RPL34: variants seen among roughly 807,000 people sequenced by gnomAD.
The protein encoded by RPL34 is ribosomal protein L34, also known as large ribosomal subunit protein eL34.
In RPL34, 2 loss-of-function variants were observed where a neutral mutation model predicts 16.3. The observed-to-expected ratio is 0.12, with a 90% CI of 0.05 to 0.39. RPL34 has a LOEUF of 0.39. RPL34 is among the 10% of genes least tolerant of loss of function. The pLI is 0.99. For missense variants in RPL34, 82 were observed against 148.8 expected, an observed-to-expected ratio of 0.55 and a Z score of 2.33; for synonymous variants, 47 against 48.5, an observed-to-expected ratio of 0.97 and a Z score of 0.13.
chr4:108,629,798 A>T (rs1178870957), downstream of RPL34, among the ~76,000 whole-genome samples: 1 of 152,204 alleles, frequency 6.6e-6, no homozygotes, highest in Admixed American at 6.6e-5. Flanking sequence ...TAGCAACTTA[A>T]TAACATCCTA....
intron 4 of RPL34, among the ~76,000 whole-genome samples, chr4:108,624,020 A>G (rs756526272): frequency 6.6e-6 from 1 of 152,068 alleles, no homozygotes; most frequent in Non-Finnish European, 1.5e-5. Flanking sequence ...GGAAGTGTAC[A>G]TTGGAGATAA....
In RPL34 at chr4:108,622,036, T is replaced by A; in HGVS notation, c.65+12T>A. On this transcript the variant is annotated intron_variant, in intron 2 of 4. Coordinates refer to ENST00000394667, the MANE Select transcript of RPL34 (RefSeq NM_001319236.2). ...AACAAAACTAGGCTGTAAGTATTTCTGAAAATTTTAAGTATATATTGTCAT... is the reference window on the plus strand; with the variant it reads ...AACAAAACTAGGCTGTAAGTATTTCAGAAAATTTTAAGTATATATTGTCAT... 2 of 1,602,652 alleles carry A rather than the reference T, an allele frequency of 1.2e-6. No individual in the cohort carries two copies. The highest frequency in any genetic ancestry group is 1.7e-6 in the Non-Finnish European group (2 of 1,169,750).
Position 108,625,192 on chromosome 4 carries a change from CAG to C in RPL34, c.337_338del (p.Gln114GlufsTer3). ...TGTGAAAGTGTTGAAGGCACAAGCA[CAG>C]AGTCAGAAAGCTAAATAAAAAAATG... ...IVVKVLKAQAQSQKAK is the reference protein window; with the variant it reads ...IVVKVLKAQAXSQKAK On this transcript the variant is annotated frameshift_variant, in exon 5 of 5. Transcript: ENST00000394667. LOFTEE classifies it high-confidence loss of function. 1 of 1,607,968 alleles carries C rather than the reference CAG, an allele frequency of 6.2e-7. No homozygotes were observed. The highest frequency in any genetic ancestry group is 8.5e-7 in the Non-Finnish European group (1 of 1,176,770).
chr4:108,620,693 T>C, intron 1 of RPL34, 93 bp downstream of exon 1: 1 of 217,154 alleles, frequency 4.6e-6, no homozygotes, highest in East Asian at 1.3e-4. Context: ...TCAGAAGCAG[T>C]CCTTTGAGCT....
chr4:108,624,282 G>A (rs1398292783), intron 4 of RPL34, among the ~76,000 whole-genome samples: 1 of 152,208 alleles, frequency 6.6e-6, no homozygotes, highest in Non-Finnish European at 1.5e-5. Context: ...TCAGTTGTAT[G>A]TGTCTCTGAT....
At chr4:108,620,639 TACC>T (rs1454864767) in intron 1 of RPL34, 39 bp downstream of exon 1, 1 of 261,128 alleles carries the variant, frequency 3.8e-6, no homozygotes, top group Non-Finnish European at 7.9e-6. Context: ...TTTATTTCCT[TACC>T]AATCGGCTGC....
downstream of RPL34, among the ~76,000 whole-genome samples, chr4:108,626,972 G>C (rs1404963228): frequency 1.3e-5 from 2 of 152,134 alleles, no homozygotes; most frequent in Middle Eastern, 3.2e-3. Flanking sequence ...GGACGCCGTG[G>C]TTCATGCCTG....
intron 4 of RPL34, among the ~76,000 whole-genome samples, chr4:108,624,397 A>G (rs184752722): frequency 6.6e-6 from 1 of 152,212 alleles, no homozygotes; most frequent in South Asian, 2.1e-4. Flanking sequence ...GGAAGGTTTA[A>G]GTTGAAGCAA....
At chr4:108,628,713 T>C (rs569244330), downstream of RPL34, among the ~76,000 whole-genome samples, 8 of 152,226 alleles carry the variant, frequency 5.3e-5, no homozygotes, top group African/African-American at 1.9e-4. Flanking sequence ...TACATTCTTT[T>C]CCAAGAATTC....
At chr4:108,627,407 C>T (rs536314890), downstream of RPL34, among the ~76,000 whole-genome samples, 1 of 151,978 alleles carries the variant, frequency 6.6e-6, no homozygotes, top group Admixed American at 6.5e-5. Context: ...AATAAGAATA[C>T]CCCTTAAGGT....
downstream of RPL34, among the ~76,000 whole-genome samples, chr4:108,626,447 CTTTT>C (rs34343318): frequency 1.7e-5 from 2 of 117,070 alleles, no homozygotes; most frequent in African/African-American, 6.4e-5. Flanking sequence ...GGCTGACAAC[CTTTT>C]TTTTTTTTTT....
chr4:108,622,947 A>C (rs1299726285), intron 4 of RPL34: 3 of 204,134 alleles, frequency 1.5e-5, no homozygotes, highest in African/African-American at 2.3e-5. Flanking sequence ...GTGTATTCTC[A>C]TGTGCGGAAG....
At position 108,625,109 on chromosome 4, in the gene RPL34, T is replaced by G; in HGVS notation, c.270-19T>G. The stretch of plus-strand genomic sequence containing the variant: ...AGTTCATTTTAAAGAAATGATTAAT[T>G]TGGTATTTTCCTTTCTAGGATCAAG... On this transcript the variant is annotated intron_variant, in intron 4 of 4. Coordinates refer to ENST00000394667, the MANE Select transcript of RPL34 (RefSeq NM_001319236.2). 6.5e-7 allele frequency: 1 copy of G among 1,545,032 alleles called. No homozygotes were observed. The highest frequency in any genetic ancestry group is 8.9e-7 in the Non-Finnish European group (1 of 1,122,626).
chr4:108,621,735 C>T (rs1725785209), intron 1 of RPL34: 1 of 482,398 alleles, frequency 2.1e-6, no homozygotes, highest in Non-Finnish European at 3.8e-6. Flanking sequence ...GGAAGTGCCA[C>T]GTTTGATTAC....
At chr4:108,628,849 G>A (rs899108945), downstream of RPL34, among the ~76,000 whole-genome samples, 1 of 152,148 alleles carries the variant, frequency 6.6e-6, no homozygotes, top group African/African-American at 2.4e-5. Flanking sequence ...TGGAGACAGA[G>A]TCTCACTCTA....
At chr4:108,623,245 T>C (rs920375763) in intron 4 of RPL34, 4 of 152,034 alleles carry the variant, frequency 2.6e-5, no homozygotes, top group African/African-American at 9.7e-5. Context: ...GGCAGGAGAA[T>C]TGCTGGAAGC....
chr4:108,629,415 T>C (rs972865958), downstream of RPL34, among the ~76,000 whole-genome samples: 3 of 152,248 alleles, frequency 2.0e-5, no homozygotes, highest in African/African-American at 4.8e-5. Flanking sequence ...ATTTCACTTA[T>C]GCTGAATTGT....
downstream of RPL34, among the ~76,000 whole-genome samples, chr4:108,626,611 G>A (rs1252152373): frequency 6.6e-6 from 1 of 151,970 alleles, no homozygotes; most frequent in Non-Finnish European, 1.5e-5. Flanking sequence ...GCTAATTTTT[G>A]TATTTTTAGT....
At chr4:108,624,847 A>G (rs563566825) in intron 4 of RPL34, among the ~76,000 whole-genome samples, 69 of 152,232 alleles carry the variant, frequency 4.5e-4, no homozygotes, top group African/African-American at 1.4e-3. Context: ...CCTGGATCCT[A>G]ACAATAAATT....
Sources: allele counts gnomAD v4.1 joint callset (sites outside exome capture counted in the v4.1 genomes callset), GRCh38; gene constraint gnomAD v4.1.1; transcripts MANE v1.5; gene names NCBI Gene and HGNC (gene_info 2026-07-23, HGNC 2026-07-21).